Variants in SLF2 observed in about 807,000 individuals in gnomAD.
The protein encoded by SLF2 is SMC5-SMC6 complex localization factor protein 2.
A neutral mutation model predicts 124.3 loss-of-function variants in SLF2; 68 were observed. That is an observed-to-expected ratio of 0.55 (90% CI 0.45 to 0.67). The LOEUF is 0.67. SLF2 is among the 30% of genes least tolerant of loss of function. SLF2 has a pLI of 0.00. For missense variants in SLF2, 1,246 were observed against 1,373.7 expected (o/e 0.91, Z 1.47); for synonymous variants, 480 against 478.8 (o/e 1.00, Z -0.03).
intron 18 of SLF2, 107 bp downstream of exon 18, chr10:100,956,644 G>T: frequency 2.6e-6 from 2 of 781,136 alleles, no homozygotes; most frequent in Non-Finnish European, 4.0e-6. Context: ...AACATATAAG[G>T]CTAGGCATGG....
intron 13 of SLF2, 48 bp downstream of exon 13, chr10:100,945,554 A>G: frequency 7.1e-7 from 1 of 1,401,490 alleles, no homozygotes; most frequent in Non-Finnish European, 9.4e-7. Context: ...TAGCATTACA[A>G]TTTGACTCAT....
rs749616387 is a variant in SLF2 at position 100,950,966 on chromosome 10, C to T, written c.3330+213C>T. On this transcript the variant is annotated intron_variant, in intron 17 of 19. Coordinates refer to ENST00000238961, the MANE Select transcript of SLF2 (RefSeq NM_018121.4). The stretch of plus-strand genomic sequence containing the variant: ...GTATTGAAAAGAATTGTTGGCCAGG[C>T]GCCATGGCTCACGCCTGTAATCCCA... Among the ~76,000 whole-genome samples, 5 of 152,304 alleles carry T rather than the reference C, an allele frequency of 3.3e-5. No individual in the cohort carries two copies. In the South Asian group the frequency reaches 6.2e-4, roughly 19 times the overall value.
At chr10:100,918,353 C>G (rs768794667) in intron 3 of SLF2, 31 bp from the exon 4 acceptor site, 10 of 1,452,626 alleles carry the variant, frequency 6.9e-6, no homozygotes, top group South Asian at 6.2e-5. Context: ...GTCCCCAACA[C>G]TTAATTAATT....
intron 11 of SLF2, 69 bp downstream of exon 11, chr10:100,938,805 A>G: frequency 7.5e-7 from 1 of 1,328,946 alleles, no homozygotes; most frequent in Non-Finnish European, 1.0e-6. Flanking sequence ...TTATAGCTAA[A>G]GTTTAATATT....
chr10:100,943,575 A>G (rs562697263), intron 11 of SLF2: 1 of 152,474 alleles, frequency 6.6e-6, no homozygotes, highest in African/African-American at 2.4e-5. Context: ...GAGTGCTTTG[A>G]ATTGTTTCTG....
Position 100,943,824 on chromosome 10 carries a change from A to G in SLF2, c.2655-202A>G, listed in dbSNP as rs140176529. ...TTGGCATAAAGAGACTTTTGAGGGGAATGGAAATGTTCTATTTCTTGATTT... is the reference window on the plus strand; with the variant it reads ...TTGGCATAAAGAGACTTTTGAGGGGGATGGAAATGTTCTATTTCTTGATTT... On this transcript the variant is annotated intron_variant, in intron 11 of 19. Coordinates refer to ENST00000238961, the MANE Select transcript of SLF2 (RefSeq NM_018121.4). The G allele has an allele frequency of 3.5e-3, 1,557 of 440,802 alleles. 12 individuals are homozygous for G. The highest frequency in any genetic ancestry group is 3.6e-3 in the Non-Finnish European group (904 of 248,730). The allele number at this position is 440,802 out of a possible 1,614,324, so 27.3% of individuals were successfully genotyped here. A position where few individuals can be genotyped will look rare whatever the true frequency, so the allele number is the denominator to read the frequency against.
intron 17 of SLF2, among the ~76,000 whole-genome samples, chr10:100,951,010 G>C (rs899862469): frequency 1.1e-4 from 16 of 152,332 alleles, no homozygotes; most frequent in Middle Eastern, 3.4e-3. Flanking sequence ...GGAGGCCAAG[G>C]TGCGTGGATC....
Position 100,964,712 on chromosome 10 carries a change from T to G in SLF2, c.*2800T>G, listed in dbSNP as rs1404122061. The stretch of plus-strand genomic sequence containing the variant: ...TTTATTTTTATCAAAACAAATATAA[T>G]TGGTGGGGACTGGCCAGTAATAATG... On this transcript the variant is annotated 3_prime_UTR_variant, in exon 20 of 20. Transcript: ENST00000238961. The G allele has an allele frequency of 6.6e-6, 1 of 152,468 alleles. No individual in the cohort carries two copies. Among genetic ancestry groups the G allele is most frequent in the Non-Finnish European group, 1.5e-5 (1 of 68,034 alleles). 9.4% of individuals were successfully genotyped at this position (152,468 alleles called of 1,614,324 possible).
intron 17 of SLF2, among the ~76,000 whole-genome samples, chr10:100,952,885 G>C (rs1184584335): frequency 6.6e-6 from 1 of 152,080 alleles, no homozygotes; most frequent in Non-Finnish European, 1.5e-5. Flanking sequence ...GTTGCAGTGA[G>C]CTGAGATCAC....
rs928359184 is a variant in SLF2 at position 100,917,420 on chromosome 10, T to C, written c.915+120T>C. On this transcript the variant is annotated intron_variant, in intron 3 of 19. Coordinates refer to ENST00000238961, the MANE Select transcript of SLF2 (RefSeq NM_018121.4). The stretch of plus-strand genomic sequence containing the variant: ...ACGTCTTTCCTGAAGGAAATACTTA[T>C]GCACAGTTTGTGTAGAAGCTGGTTT... The C allele has an allele frequency of 2.3e-5, 26 of 1,139,770 alleles. No homozygotes were observed. The Admixed American group carries it at 3.8e-4, about 17-fold the overall frequency. The allele number at this position is 1,139,770 out of a possible 1,614,324, so 70.6% of individuals were successfully genotyped here.
rs764642797 is a variant in SLF2, at chr10:100,924,664, T to G, written c.1663T>G (p.Ser555Ala). 1.5e-5 allele frequency: 25 copies of G among 1,614,018 alleles called. 1 individual carries two copies. The South Asian group carries it at 2.7e-4, about 18-fold the overall frequency. Residue 555 changes from serine (S) to alanine (A), a missense_variant, in exon 5 of 20, where the codon TCT becomes GCT. Physicochemically the swap from Ser to Ala is moderately conservative, Grantham distance 99. Around this residue, in one of 3 missense-constraint regions of SLF2, gnomAD observed 698 missense variants for 708.9 expected, o/e 0.98. Coordinates refer to ENST00000238961, the MANE Select transcript of SLF2 (RefSeq NM_018121.4). ...LRSEYGTPTK[S>A]PPAALEVVPC... ...CTCAGAATATGGCACTCCTACAAAG[T>G]CTCCCCCTGCTGCTTTGGAAGTTGT... is the stretch of plus-strand genomic sequence containing the variant.
Sources: allele counts gnomAD v4.1 joint callset (sites outside exome capture counted in the v4.1 genomes callset), GRCh38; gene constraint gnomAD v4.1.1; regional missense constraint gnomAD v4.1.1; transcripts MANE v1.5; gene names NCBI Gene and HGNC (gene_info 2026-07-23, HGNC 2026-07-21).